LGR6: variants seen among roughly 807,000 people sequenced by gnomAD.
LGR6 encodes the protein leucine-rich repeat-containing G protein-coupled receptor 6.
Under a neutral mutation model 69.4 loss-of-function variants are expected in LGR6, and 45 were observed. The ratio of observed to expected loss-of-function variants is 0.65; its 90% CI spans 0.51 to 0.83. LGR6 has a LOEUF of 0.83. LGR6 is among the 40% of genes least tolerant of loss of function. The pLI, the probability that LGR6 is intolerant of heterozygous loss-of-function variation, is 0.00. For synonymous variants in LGR6, 538 were observed against 555.0 expected (o/e 0.97, Z 0.43); for missense variants, 1,108 against 1,246.7 (o/e 0.89, Z 1.68).
At chr1:202,294,750 C>A (rs1667028039) in intron 6 of LGR6, among the ~76,000 whole-genome samples, 1 of 152,186 alleles carries the variant, frequency 6.6e-6, no homozygotes, top group African/African-American at 2.4e-5. Flanking sequence ...GCCATCCCAG[C>A]CCAAGGTAGA....
intron 6 of LGR6, among the ~76,000 whole-genome samples, chr1:202,290,611 G>A (rs540333564): frequency 6.6e-5 from 10 of 152,314 alleles, no homozygotes; most frequent in African/African-American, 1.9e-4. Flanking sequence ...GGTGGCTCAC[G>A]CCTGTAATCC....
At chr1:202,214,304 G>A (rs1310933782) in intron 1 of LGR6, 4 of 1,439,416 alleles carry the variant, frequency 2.8e-6, no homozygotes, top group Non-Finnish European at 3.7e-6. Context: ...CTGGGGAGCA[G>A]GACCCAGAAA....
intron 1 of LGR6, among the ~76,000 whole-genome samples, chr1:202,205,988 A>C (rs66575407): frequency 0.097 from 14,536 of 149,532 alleles, 889 homozygotes; most frequent in Non-Finnish European, 0.13. Context: ...ACACACACAC[A>C]CCCCTAGTAT....
Position 202,307,419 on chromosome 1 carries a change from TCTC to T in LGR6, c.1280+23_1280+25del, listed in dbSNP as rs1394677495. ...GTCAAGCTGTAAGTGCCTGCTGCAT[TCTC>T]CTCCAGGATGCTGGGGGCCAGTCGG... On this transcript the variant is annotated intron_variant, in intron 14 of 17. Coordinates refer to ENST00000367278, the MANE Select transcript of LGR6 (RefSeq NM_001017403.2). 1.2e-6 allele frequency: 2 copies of T among 1,611,866 alleles called. No individual in the cohort carries two copies. Among genetic ancestry groups the T allele is most frequent in the African/African-American group, 2.7e-5 (2 of 74,860 alleles).
In LGR6 at chr1:202,319,026, G is replaced by A. The variant is rs1432063480; in HGVS notation, c.2723G>A (p.Gly908Glu). The change falls in exon 18 of 18, where the codon GGG (glycine) becomes GAG (glutamate). Residue 908 changes from glycine (G) to glutamate (E), a missense_variant. Gly to Glu is a moderately conservative substitution (Grantham distance 98). Transcript: ENST00000367278. ...ACCCTCATCTCCTGTCAGCAGCCAG[G>A]GGCCCCCAGGCTGGAGGGCAGCCAT... ...SVTLISCQQP[G>E]APRLEGSHCV... 16 of 1,613,966 alleles carry A rather than the reference G, an allele frequency of 9.9e-6. No homozygotes were observed. The highest frequency in any genetic ancestry group is 1.7e-5 in the Admixed American group (1 of 60,002).
chr1:202,286,019 TTCTGTGTCTCTCC>T (rs1414024951), intron 6 of LGR6, among the ~76,000 whole-genome samples: 1 of 152,228 alleles, frequency 6.6e-6, no homozygotes, highest in Non-Finnish European at 1.5e-5. Flanking sequence ...TTTTGTTTTC[TTCTGTGTCTCTCC>T]TCTGTGTGTC....
intron 1 of LGR6, among the ~76,000 whole-genome samples, chr1:202,223,108 A>T (rs996238405): frequency 6.6e-6 from 1 of 152,128 alleles, no homozygotes; most frequent in African/African-American, 2.4e-5. Context: ...GGGAAAAAAA[A>T]ATCCATCAAC....
chr1:202,246,655 T>C (rs1047148269), intron 4 of LGR6, among the ~76,000 whole-genome samples: 1 of 151,906 alleles, frequency 6.6e-6, no homozygotes, highest in African/African-American at 2.4e-5. Context: ...TCTGTGCACT[T>C]AAAATTCTGT....
intron 7 of LGR6, chr1:202,298,795 A>G (rs1417246603): frequency 6.6e-6 from 1 of 152,154 alleles, no homozygotes; most frequent in Non-Finnish European, 1.5e-5. Flanking sequence ...TGCTGGGATT[A>G]CAGGTGTGAG....
Position 202,319,385 on chromosome 1 carries a change from C to CAG in LGR6, c.*178_*179insAG. ...CTGTGACCATCACCAACGGGTGCCT[C>CAG]TTGGCCTGGCTTTCCCTTGGCCTTC... On this transcript the variant is annotated 3_prime_UTR_variant, in exon 18 of 18. Transcript: ENST00000367278. 1.7e-6 allele frequency: 1 copy of CAG among 602,366 alleles called. No individual in the cohort carries two copies. The highest frequency in any genetic ancestry group is 2.7e-6 in the Non-Finnish European group (1 of 371,566). 37.3% of individuals were successfully genotyped at this position (602,366 alleles called of 1,614,324 possible).
At chr1:202,253,828 C>T (rs537925323) in intron 4 of LGR6, among the ~76,000 whole-genome samples, 47 of 82,672 alleles carry the variant, frequency 5.7e-4, no homozygotes, top group Non-Finnish European at 8.4e-4. Context: ...TTTTTTGAGA[C>T]GGAGTCTCGC....
intron 1 of LGR6, among the ~76,000 whole-genome samples, chr1:202,205,794 T>G (rs1224580475): frequency 7.7e-6 from 1 of 129,226 alleles, no homozygotes; most frequent in Non-Finnish European, 1.6e-5. Flanking sequence ...CACACCTCCT[T>G]CAAACATACA....
intron 4 of LGR6, among the ~76,000 whole-genome samples, chr1:202,238,743 CA>C (rs1661856835): frequency 6.8e-6 from 1 of 147,084 alleles, no homozygotes; most frequent in Non-Finnish European, 1.5e-5. Context: ...TTTTTTTAAA[CA>C]AAATTTTTTG....
intron 4 of LGR6, among the ~76,000 whole-genome samples, chr1:202,259,044 G>A (rs1015854925): frequency 4.0e-5 from 6 of 151,648 alleles, no homozygotes; most frequent in African/African-American, 1.5e-4. Flanking sequence ...TATATATTAT[G>A]GTTATATATA....
At chr1:202,255,045 T>C (rs997405012) in intron 4 of LGR6, among the ~76,000 whole-genome samples, 57 of 152,296 alleles carry the variant, frequency 3.7e-4, no homozygotes, top group African/African-American at 1.3e-3. Context: ...CTTGGTTTGG[T>C]GCAGACACAG....
intron 2 of LGR6, 49 bp downstream of exon 2, chr1:202,225,543 T>C (rs1343968851): frequency 2.0e-6 from 3 of 1,529,054 alleles, no homozygotes; most frequent in Non-Finnish European, 9.1e-7. Flanking sequence ...CTCTGTCTAA[T>C]ATCTCTGGAA....
At chr1:202,249,944 C>G (rs1421518024) in intron 4 of LGR6, among the ~76,000 whole-genome samples, 1 of 152,234 alleles carries the variant, frequency 6.6e-6, no homozygotes, top group Non-Finnish European at 1.5e-5. Context: ...TTAAAATTCT[C>G]AGTTGGCTCC....
chr1:202,237,414 G>A (rs916456190), intron 4 of LGR6, among the ~76,000 whole-genome samples: 3 of 152,268 alleles, frequency 2.0e-5, no homozygotes, highest in Admixed American at 6.5e-5. Flanking sequence ...GAGGAGTGAG[G>A]AGAATTTGAC....
At chr1:202,295,327 C>CAAAAAAAAAAAAAA in intron 6 of LGR6, among the ~76,000 whole-genome samples, 1 of 45,560 alleles carries the variant, frequency 2.2e-5, no homozygotes, top group Non-Finnish European at 4.7e-5. Flanking sequence ...GACTCCATCT[C>CAAAAAAAAAAAAAA]AAAAAAAAAA....
Sources: gnomAD v4.1 joint callset for allele counts (sites outside exome capture counted in the v4.1 genomes callset) on GRCh38, gnomAD v4.1.1 for gene constraint, MANE v1.5 for transcripts, NCBI Gene and HGNC (gene_info 2026-07-23, HGNC 2026-07-21) for gene names.